ADGRL3: variants seen among roughly 807,000 people sequenced by gnomAD.
ADGRL3 encodes calcium-independent alpha-latrotoxin receptor 3.
In ADGRL3, 62 loss-of-function variants were observed where a neutral mutation model predicts 153.5. That is an observed-to-expected ratio of 0.40 (90% CI 0.33 to 0.50). The LOEUF is 0.50. Among genes scored for constraint, ADGRL3 ranks in the 20% least tolerant of loss-of-function variants. The pLI is 0.47. For missense variants in ADGRL3, 1,641 were observed against 1,859.4 expected, an observed-to-expected ratio of 0.88 and a Z score of 2.16; for synonymous variants, 710 against 672.5, an observed-to-expected ratio of 1.06 and a Z score of -0.86.
intron 6 of ADGRL3, among the ~76,000 whole-genome samples, chr4:61,689,368 G>A (rs1158011139): frequency 6.6e-6 from 1 of 152,000 alleles, no homozygotes; most frequent in Non-Finnish European, 1.5e-5. Flanking sequence ...TATGAGTCTT[G>A]ACATACTGTC....
chr4:61,701,775 A>T (rs1580353632), intron 6 of ADGRL3, among the ~76,000 whole-genome samples: 1 of 152,044 alleles, frequency 6.6e-6, no homozygotes, highest in African/African-American at 2.4e-5. Context: ...ATGATAGCTT[A>T]GAAGGCACCT....
intron 1 of ADGRL3, among the ~76,000 whole-genome samples, chr4:61,238,495 C>T (rs140657216): frequency 6.6e-6 from 1 of 150,958 alleles, no homozygotes; most frequent in African/African-American, 2.4e-5. Context: ...GTGTATTTCT[C>T]TGGACATGTC....
At chr4:61,737,802 G>A (rs752830096) in intron 8 of ADGRL3, among the ~76,000 whole-genome samples, 22 of 151,908 alleles carry the variant, frequency 1.4e-4, no homozygotes, top group Non-Finnish European at 1.6e-4. Context: ...CTTGTAGTTC[G>A]TATTACAAGT....
chr4:62,044,364 T>C, intron 24 of ADGRL3, 89 bp from the exon 25 acceptor site: 2 of 876,366 alleles, frequency 2.3e-6, no homozygotes, highest in South Asian at 3.0e-5. Context: ...AAAGGTCTCA[T>C]ATAATTATGA....
chr4:61,867,386 G>C (rs111673018), intron 9 of ADGRL3, among the ~76,000 whole-genome samples: 2,927 of 151,224 alleles, frequency 0.019, 101 homozygotes, highest in African/African-American at 0.066. Flanking sequence ...TGTAGTCCCA[G>C]CTACTTAGGA....
intron 6 of ADGRL3, among the ~76,000 whole-genome samples, chr4:61,679,400 G>A (rs1421078415): frequency 1.3e-5 from 2 of 152,014 alleles, no homozygotes. Context: ...TTAGAATACA[G>A]TCTGATTACT....
intron 4 of ADGRL3, among the ~76,000 whole-genome samples, chr4:61,578,614 C>T (rs935139108): frequency 3.9e-5 from 6 of 152,036 alleles, no homozygotes; most frequent in African/African-American, 1.4e-4. Flanking sequence ...GATTTTACTA[C>T]TGTTCACTTC....
intron 21 of ADGRL3, among the ~76,000 whole-genome samples, chr4:62,002,904 T>A (rs1317938175): frequency 6.6e-6 from 1 of 152,194 alleles, no homozygotes; most frequent in Non-Finnish European, 1.5e-5. Flanking sequence ...ACTTACAGTA[T>A]GGCTGAAGTA....
chr4:61,782,340 A>G (rs1261632097), intron 8 of ADGRL3, among the ~76,000 whole-genome samples: 1 of 152,198 alleles, frequency 6.6e-6, no homozygotes, highest in Non-Finnish European at 1.5e-5. Context: ...TTTGTATTAC[A>G]TGATTTTGTT....
At chr4:61,971,741 C>CCA (rs1247060424) in intron 17 of ADGRL3, among the ~76,000 whole-genome samples, 2 of 152,096 alleles carry the variant, frequency 1.3e-5, no homozygotes, top group African/African-American at 2.4e-5. Flanking sequence ...ACACTGACTT[C>CCA]CACAATGGTT....
chr4:61,297,398 A>G (rs967009837), intron 1 of ADGRL3, among the ~76,000 whole-genome samples: 6 of 152,112 alleles, frequency 3.9e-5, no homozygotes, highest in Non-Finnish European at 5.9e-5. Flanking sequence ...TTCAGTCTTT[A>G]TCAGTGGAAT....
At chr4:61,791,932 C>T (rs573418828) in intron 8 of ADGRL3, among the ~76,000 whole-genome samples, 15 of 152,190 alleles carry the variant, frequency 9.9e-5, no homozygotes, top group African/African-American at 3.1e-4. Context: ...ACCCTGGGCC[C>T]GGCCCATGAA....
intron 1 of ADGRL3, among the ~76,000 whole-genome samples, chr4:61,271,386 A>G (rs2149789776): frequency 6.6e-6 from 1 of 152,120 alleles, no homozygotes; most frequent in African/African-American, 2.4e-5. Context: ...GAGTTTTGTT[A>G]AGATTTCTTA....
intron 1 of ADGRL3, among the ~76,000 whole-genome samples, chr4:61,206,705 A>T (rs2148774926): frequency 6.6e-6 from 1 of 152,242 alleles, no homozygotes; most frequent in Non-Finnish European, 1.5e-5. Flanking sequence ...TTAGAGGCTG[A>T]GTGCAGTGGC....
chr4:61,806,502 A>G (rs527449715), intron 8 of ADGRL3, among the ~76,000 whole-genome samples: 21 of 152,016 alleles, frequency 1.4e-4, no homozygotes, highest in African/African-American at 5.1e-4. Context: ...CATATTTGCT[A>G]TTAGTATTTT....
intron 5 of ADGRL3, among the ~76,000 whole-genome samples, chr4:61,617,576 C>T (rs1164808068): frequency 6.6e-6 from 1 of 152,158 alleles, no homozygotes; most frequent in Non-Finnish European, 1.5e-5. Flanking sequence ...AAAAACACCT[C>T]TGCAACTCAA....
chr4:61,449,919 T>C (rs1242835201), intron 2 of ADGRL3, among the ~76,000 whole-genome samples: 2 of 152,180 alleles, frequency 1.3e-5, no homozygotes, highest in Non-Finnish European at 2.9e-5. Flanking sequence ...AATGATATAA[T>C]GGTGTTTTTC....
intron 1 of ADGRL3, among the ~76,000 whole-genome samples, chr4:61,274,857 A>G (rs897124213): frequency 2.6e-5 from 4 of 152,102 alleles, no homozygotes; most frequent in African/African-American, 9.7e-5. Context: ...TGGAGCCCAG[A>G]AGATCAAGGC....
chr4:62,002,431 T>C (rs2099143699), intron 21 of ADGRL3, among the ~76,000 whole-genome samples: 2 of 151,450 alleles, frequency 1.3e-5, no homozygotes, highest in South Asian at 2.1e-4. Flanking sequence ...AATTATTATT[T>C]TATTATCTTA....
Sources: gnomAD v4.1 joint callset for allele counts (sites outside exome capture counted in the v4.1 genomes callset) on GRCh38, gnomAD v4.1.1 for gene constraint, MANE v1.5 for transcripts, NCBI Gene and HGNC (gene_info 2026-07-23, HGNC 2026-07-21) for gene names.